Variants in CNTNAP2 observed in about 807,000 individuals in gnomAD.
CNTNAP2 encodes contactin associated protein 2, also known as contactin-associated protein-like 2.
A neutral mutation model predicts 155.2 loss-of-function variants in CNTNAP2; 98 were observed. The ratio of observed to expected loss-of-function variants is 0.63; its 90% CI spans 0.54 to 0.75. The LOEUF (loss-of-function observed/expected upper bound fraction) is 0.75, where lower values mean the gene tolerates loss of function less well. Ranked by LOEUF, CNTNAP2 falls within the 30% of genes least tolerant of loss-of-function variation. The probability of loss-of-function intolerance (pLI) is 0.00; values close to 1 mark genes in which losing one functional copy is unlikely to be tolerated. For missense variants in CNTNAP2, 1,727 were observed against 1,688.1 expected (o/e 1.02, Z -0.40); for synonymous variants, 651 against 631.2 (o/e 1.03, Z -0.47).
At chr7:146,735,531 G>A (rs1015132635) in intron 1 of CNTNAP2, among the ~76,000 whole-genome samples, 3 of 151,982 alleles carry the variant, frequency 2.0e-5, no homozygotes, top group Non-Finnish European at 4.4e-5. Flanking sequence ...CTCCAGCCTG[G>A]GCAACAGAGC....
In CNTNAP2 at chr7:146,120,724, CT is replaced by C. The variant is rs565712294; in HGVS notation, c.97+3755del. ...CTTGTATATTATATTTTTACTGTAT[CT>C]TTTCCATGTTTAAGTATGATGAGAT... On this transcript the variant is annotated intron_variant, in intron 1 of 23. Transcript: ENST00000361727. 3.4e-3 allele frequency among the ~76,000 whole-genome samples: 520 copies of C among 152,150 alleles called. 2 individuals carry two copies. The highest frequency in any genetic ancestry group is 0.027 in the Middle Eastern group (8 of 294).
intron 9 of CNTNAP2, among the ~76,000 whole-genome samples, chr7:147,315,923 A>G (rs115730481): frequency 0.011 from 1,645 of 152,006 alleles, 31 homozygotes; most frequent in African/African-American, 0.038. Flanking sequence ...TTATTGCCAA[A>G]TATTTTTACA....
chr7:148,230,426 C>T (rs569055890), intron 20 of CNTNAP2, among the ~76,000 whole-genome samples: 3 of 152,168 alleles, frequency 2.0e-5, no homozygotes, highest in Non-Finnish European at 4.4e-5. Flanking sequence ...GAGGAGGTCT[C>T]CCTGGGAGCT....
chr7:148,317,696 T>G (rs1357134597), intron 21 of CNTNAP2, among the ~76,000 whole-genome samples: 2 of 152,090 alleles, frequency 1.3e-5, no homozygotes, highest in African/African-American at 4.8e-5. Context: ...TTGGTTGCCC[T>G]GAGCTCATTT....
chr7:146,585,017 T>C (rs1798665978), intron 1 of CNTNAP2, among the ~76,000 whole-genome samples: 1 of 152,184 alleles, frequency 6.6e-6, no homozygotes, highest in Admixed American at 6.5e-5. Flanking sequence ...AAAGCATAAG[T>C]CCCATCTGAG....
At chr7:147,426,876 A>C (rs1013972411) in intron 10 of CNTNAP2, among the ~76,000 whole-genome samples, 3 of 152,142 alleles carry the variant, frequency 2.0e-5, no homozygotes, top group African/African-American at 7.2e-5. Flanking sequence ...TCCTGTAAAT[A>C]TAAGTGACAT....
At chr7:148,221,144 G>A (rs1024116576) in intron 19 of CNTNAP2, among the ~76,000 whole-genome samples, 6 of 152,130 alleles carry the variant, frequency 3.9e-5, no homozygotes, top group African/African-American at 9.7e-5. Flanking sequence ...GCCTGTGTGA[G>A]GACTTTCATT....
intron 3 of CNTNAP2, among the ~76,000 whole-genome samples, chr7:146,884,187 AGTT>A (rs1363711185): frequency 6.6e-6 from 1 of 152,138 alleles, no homozygotes; most frequent in Non-Finnish European, 1.5e-5. Context: ...GTATATGAAA[AGTT>A]GGTGCTCCTG....
intron 13 of CNTNAP2, among the ~76,000 whole-genome samples, chr7:147,693,890 G>A (rs1469150057): frequency 6.6e-6 from 1 of 152,006 alleles, no homozygotes; most frequent in Non-Finnish European, 1.5e-5. Flanking sequence ...TTGAAAAGCA[G>A]TGGTGAGAGG....
chr7:146,486,968 T>G (rs1797067706), intron 1 of CNTNAP2, among the ~76,000 whole-genome samples: 1 of 152,332 alleles, frequency 6.6e-6, no homozygotes, highest in Admixed American at 6.5e-5. Context: ...TTTAACACAA[T>G]TTTATTGCAT....
chr7:147,897,323 T>C (rs1406514544), intron 13 of CNTNAP2, among the ~76,000 whole-genome samples: 1 of 152,216 alleles, frequency 6.6e-6, no homozygotes, highest in Non-Finnish European at 1.5e-5. Flanking sequence ...GCAGAGATTC[T>C]GAGATATATA....
At chr7:146,182,306 GTT>G (rs891600594) in intron 1 of CNTNAP2, among the ~76,000 whole-genome samples, 8 of 151,994 alleles carry the variant, frequency 5.3e-5, no homozygotes, top group Non-Finnish European at 1.2e-4. Flanking sequence ...TTCCTCTAAT[GTT>G]TAACAACATT....
chr7:148,178,568 G>T (rs1794984945), intron 18 of CNTNAP2, among the ~76,000 whole-genome samples: 1 of 152,182 alleles, frequency 6.6e-6, no homozygotes, highest in South Asian at 2.1e-4. Flanking sequence ...AGAAGAAATT[G>T]TTTATAGCAA....
In CNTNAP2 at chr7:147,577,009, C is replaced by T. The variant is rs573572772; in HGVS notation, c.1897+14752C>T. 3.3e-5 allele frequency among the ~76,000 whole-genome samples: 5 copies of T among 152,134 alleles called. No homozygotes were observed. The South Asian group carries it at 1.0e-3, about 32-fold the overall frequency. On this transcript the variant is annotated intron_variant, in intron 12 of 23. Coordinates refer to ENST00000361727, the MANE Select transcript of CNTNAP2 (RefSeq NM_014141.6). ...TAAAAGTAAATTACAAACCACATAG[C>T]CTATGAGTTGACTATCCAGGTAGTT...
chr7:146,657,548 T>A (rs1373835601), intron 1 of CNTNAP2, among the ~76,000 whole-genome samples: 2 of 152,154 alleles, frequency 1.3e-5, no homozygotes, highest in Non-Finnish European at 2.9e-5. Flanking sequence ...GTCTCTCTGT[T>A]TCTCTCTTTC....
intron 15 of CNTNAP2, among the ~76,000 whole-genome samples, chr7:148,111,876 G>T (rs1368100687): frequency 6.6e-6 from 1 of 152,160 alleles, no homozygotes; most frequent in Non-Finnish European, 1.5e-5. Flanking sequence ...TTCTCAAGGA[G>T]CTACCTGAGA....
At chr7:146,853,190 A>G (rs558792740) in intron 3 of CNTNAP2, among the ~76,000 whole-genome samples, 1 of 152,330 alleles carries the variant, frequency 6.6e-6, no homozygotes, top group African/African-American at 2.4e-5. Flanking sequence ...TTAAATAAAA[A>G]GGTATGATTA....
chr7:147,526,538 TG>T (rs1485625148), intron 11 of CNTNAP2, among the ~76,000 whole-genome samples: 1 of 152,230 alleles, frequency 6.6e-6, no homozygotes, highest in Non-Finnish European at 1.5e-5. Flanking sequence ...ACTCTAATAA[TG>T]GTTTAGTGCT....
intron 21 of CNTNAP2, among the ~76,000 whole-genome samples, chr7:148,280,522 C>T (rs1796957317): frequency 6.6e-6 from 1 of 152,172 alleles, no homozygotes. Flanking sequence ...TGCAAAATGT[C>T]TCCAATGGGG....
Sources: allele counts gnomAD v4.1 joint callset (sites outside exome capture counted in the v4.1 genomes callset), GRCh38; gene constraint gnomAD v4.1.1; transcripts MANE v1.5; gene names NCBI Gene and HGNC (gene_info 2026-07-23, HGNC 2026-07-21).